The following G3BP2 variants were observed in gnomAD, a reference collection of about 807,000 sequenced individuals.
The protein encoded by G3BP2 is ras GTPase-activating protein-binding protein 2.
A neutral mutation model predicts 56.7 loss-of-function variants in G3BP2; 11 were observed. The ratio of observed to expected loss-of-function variants is 0.19; its 90% CI spans 0.12 to 0.32. G3BP2 has a LOEUF of 0.32. G3BP2 is among the 10% of genes least tolerant of loss of function. G3BP2 has a pLI of 1.00. For missense variants in G3BP2, 340 were observed against 610.9 expected (o/e 0.56, Z 4.67); for synonymous variants, 165 against 191.6 (o/e 0.86, Z 1.15).
intron 3 of G3BP2, among the ~76,000 whole-genome samples, chr4:75,690,954 A>C (rs1718830187): frequency 6.6e-6 from 1 of 152,206 alleles, no homozygotes; most frequent in African/African-American, 2.4e-5. Context: ...TTAAACAAAA[A>C]AACAGGAAAA....
intron 3 of G3BP2, among the ~76,000 whole-genome samples, chr4:75,702,476 G>T (rs531066445): frequency 1.3e-5 from 2 of 152,204 alleles, no homozygotes; most frequent in African/African-American, 4.8e-5. Context: ...GAGTTACATT[G>T]TTCTGTGAAC....
At chr4:75,674,714 A>G (rs867777428), upstream of G3BP2, among the ~76,000 whole-genome samples, 1 of 54,820 alleles carries the variant, frequency 1.8e-5, no homozygotes, top group Non-Finnish European at 3.6e-5. Context: ...ATATATATAT[A>G]TATATTTTTT....
At chr4:75,667,006 G>T (rs928254434) in intron 1 of G3BP2, among the ~76,000 whole-genome samples, 3 of 152,206 alleles carry the variant, frequency 2.0e-5, no homozygotes, top group African/African-American at 7.2e-5. Context: ...AGCCAAGAAG[G>T]CCTGGTGCAG....
At chr4:75,700,272 T>C (rs993094772) in intron 3 of G3BP2, among the ~76,000 whole-genome samples, 36 of 151,644 alleles carry the variant, frequency 2.4e-4, no homozygotes, top group Non-Finnish European at 4.3e-4. Context: ...TAGGATGGTC[T>C]TGATCTCCTG....
At chr4:75,689,826 G>T (rs1169905679) in intron 3 of G3BP2, among the ~76,000 whole-genome samples, 1 of 152,158 alleles carries the variant, frequency 6.6e-6, no homozygotes, top group African/African-American at 2.4e-5. Context: ...CAAACACAAT[G>T]TTGAGTAAAA....
chr4:75,660,205 T>C (rs548334135), intron 2 of G3BP2, among the ~76,000 whole-genome samples: 1 of 152,266 alleles, frequency 6.6e-6, no homozygotes, highest in South Asian at 2.1e-4. Context: ...CAAAAAACCC[T>C]GTATCATGAA....
intron 1 of G3BP2, among the ~76,000 whole-genome samples, chr4:75,665,293 T>C (rs1732919790): frequency 6.6e-6 from 1 of 152,218 alleles, no homozygotes. Context: ...CAAATCTGTT[T>C]AAAATTTTTT....
chr4:75,720,022 C>CTTTTTTTTTTT (rs67468716), intron 3 of G3BP2, among the ~76,000 whole-genome samples: 8,014 of 97,044 alleles, frequency 0.083, 844 homozygotes, highest in South Asian at 0.25. Flanking sequence ...GCCCAGAACC[C>CTTTTTTTTTTT]TTTTTTTTTT....
At chr4:75,646,189 C>T (rs902735060) in intron 11 of G3BP2, 149 bp downstream of exon 11, 3 of 558,172 alleles carry the variant, frequency 5.4e-6, no homozygotes, top group Non-Finnish European at 9.6e-6. Context: ...GATCTGCAAA[C>T]TAACAAATCT....
chr4:75,668,705 TCTC>T (rs1346680352), intron 1 of G3BP2, among the ~76,000 whole-genome samples: 3 of 152,114 alleles, frequency 2.0e-5, no homozygotes, highest in Non-Finnish European at 4.4e-5. Flanking sequence ...ACTTTTGACT[TCTC>T]CTCCAATACT....
chr4:75,666,621 G>A (rs990406146), intron 1 of G3BP2, among the ~76,000 whole-genome samples: 2 of 152,138 alleles, frequency 1.3e-5, no homozygotes, highest in African/African-American at 4.8e-5. Flanking sequence ...CAGGAAATAA[G>A]ACTATGAAAA....
At chr4:75,707,564 T>C (rs1560421820) in intron 3 of G3BP2, among the ~76,000 whole-genome samples, 1 of 143,912 alleles carries the variant, frequency 6.9e-6, no homozygotes, top group Non-Finnish European at 1.5e-5. Context: ...GAGCCGAGAC[T>C]GCGCCACTGC....
chr4:75,687,223 A>G (rs1718650960), intron 3 of G3BP2, among the ~76,000 whole-genome samples: 1 of 152,148 alleles, frequency 6.6e-6, no homozygotes, highest in South Asian at 2.1e-4. Flanking sequence ...CTGGGAGATA[A>G]CTGAATCATG....
At chr4:75,647,250 C>A in intron 9 of G3BP2, 93 bp from the exon 10 acceptor site, 1 of 823,158 alleles carries the variant, frequency 1.2e-6, no homozygotes. Context: ...TATTGATATT[C>A]CTGTTTTAGT....
Position 75,669,498 on chromosome 4 carries a change from G to A in G3BP2, c.-25+3710C>T, listed in dbSNP as rs529162323. ...CCCTGTATCACGTGTAGTATATACT[G>A]TACTGAGTAAAATCCAAACACCTGC... On this transcript the variant is annotated intron_variant, in intron 1 of 11. Transcript: ENST00000359707. Among the ~76,000 whole-genome samples the A allele has an allele frequency of 3.9e-5, 6 of 152,190 alleles. No individual in the cohort carries two copies. In the East Asian group the frequency reaches 1.2e-3, roughly 29 times the overall value.
chr4:75,699,514 C>T (rs529007217), intron 3 of G3BP2, among the ~76,000 whole-genome samples: 5 of 152,350 alleles, frequency 3.3e-5, no homozygotes, highest in African/African-American at 1.2e-4. Context: ...CTCACTGCTT[C>T]AGCCTGGCCC....
chr4:75,671,091 G>C (rs1733446243), intron 1 of G3BP2, among the ~76,000 whole-genome samples: 1 of 152,120 alleles, frequency 6.6e-6, no homozygotes, highest in Non-Finnish European at 1.5e-5. Flanking sequence ...TCTGAAGGTA[G>C]GCCAGGACCT....
chr4:75,674,215 G>A (rs1438326816), upstream of G3BP2, among the ~76,000 whole-genome samples: 5 of 152,162 alleles, frequency 3.3e-5, no homozygotes, highest in Non-Finnish European at 7.3e-5. Context: ...AGGTCTGGCA[G>A]TGTTTTCAGA....
intron 3 of G3BP2, among the ~76,000 whole-genome samples, chr4:75,680,374 CACTA>C (rs905228155): frequency 6.6e-6 from 1 of 152,174 alleles, no homozygotes; most frequent in African/African-American, 2.4e-5. Context: ...GCATTTTCTT[CACTA>C]ACTACTTCTG....
Sources: gnomAD v4.1 joint callset for allele counts (sites outside exome capture counted in the v4.1 genomes callset) on GRCh38, gnomAD v4.1.1 for gene constraint, MANE v1.5 for transcripts, NCBI Gene and HGNC (gene_info 2026-07-23, HGNC 2026-07-21) for gene names.